Variants in PLXNA4 observed in about 807,000 individuals in gnomAD.
PLXNA4 encodes plexin A4.
A neutral mutation model predicts 191.8 loss-of-function variants in PLXNA4; 44 were observed. The observed-to-expected ratio is 0.23, with a 90% CI of 0.18 to 0.29. The LOEUF (loss-of-function observed/expected upper bound fraction) is 0.29, where lower values mean the gene tolerates loss of function less well. Among genes scored for constraint, PLXNA4 ranks in the 10% least tolerant of loss-of-function variants. PLXNA4 has a pLI of 1.00. For missense variants in PLXNA4, 1,800 were observed against 2,488.8 expected (o/e 0.72, Z 5.89); for synonymous variants, 1,082 against 1,009.5 (o/e 1.07, Z -1.36).
rs1563048301 is a variant in PLXNA4 at position 132,132,463 on chromosome 7, T to TTCTGTTCTGTTCTGTTCTGCTCTGC, written c.5589+585_5589+586insGCAGAGCAGAACAGAACAGAACAGA. ...TTCTGTTCTGTTCTGTTCTGTTCTG[T>TTCTGTTCTGTTCTGTTCTGCTCTGC]TCTGCTCTGCTCTGCTCTGCTCTGC... On this transcript the variant is annotated intron_variant, in intron 31 of 31. Transcript: ENST00000321063. 1.9e-3 allele frequency among the ~76,000 whole-genome samples: 124 copies of TTCTGTTCTGTTCTGTTCTGCTCTGC among 65,616 alleles called. 1 individual carries two copies. Among genetic ancestry groups the TTCTGTTCTGTTCTGTTCTGCTCTGC allele is most frequent in the African/African-American group, 5.7e-3 (111 of 19,440 alleles). The allele number at this position is 65,616 out of a possible 152,430, so 43.0% of individuals were successfully genotyped here. A position where few individuals can be genotyped will look rare whatever the true frequency, so the allele number is the denominator to read the frequency against.
intron 3 of PLXNA4, among the ~76,000 whole-genome samples, chr7:132,334,827 G>T (rs1394502603): frequency 6.6e-6 from 1 of 152,128 alleles, no homozygotes; most frequent in African/African-American, 2.4e-5. Flanking sequence ...CAGAACATCG[G>T]CATTGAATGG....
Position 132,146,079 on chromosome 7 carries a change from CAAAAAAAAAAAA to C in PLXNA4, c.5055+419_5055+430del, listed in dbSNP as rs67412588. The stretch of plus-strand genomic sequence containing the variant: ...TGGGTGACAGAACAAGACTCTGTCT[CAAAAAAAAAAAA>C]AAAAAAAAAAAAGAAAAGATATGGT... On this transcript the variant is annotated intron_variant, in intron 28 of 31. Transcript: ENST00000321063. 4.9e-4 allele frequency among the ~76,000 whole-genome samples: 24 copies of C among 48,920 alleles called. No individual in the cohort carries two copies. The Admixed American group carries it at 7.1e-3, about 14-fold the overall frequency. The allele number at this position is 48,920 out of a possible 152,430, so 32.1% of individuals were successfully genotyped here.
intron 10 of PLXNA4, among the ~76,000 whole-genome samples, chr7:132,207,343 G>A (rs942065937): frequency 2.6e-5 from 4 of 152,346 alleles, no homozygotes; most frequent in Non-Finnish European, 4.4e-5. Flanking sequence ...GCCTGGCCCC[G>A]GCCCTCACGA....
intron 4 of PLXNA4, among the ~76,000 whole-genome samples, chr7:132,280,678 C>A (rs987451072): frequency 6.6e-6 from 1 of 152,200 alleles, no homozygotes; most frequent in Non-Finnish European, 1.5e-5. Context: ...ACCACACCCA[C>A]TTTACCCACT....
At chr7:132,374,868 G>A (rs1016601248) in intron 3 of PLXNA4, among the ~76,000 whole-genome samples, 1 of 152,222 alleles carries the variant, frequency 6.6e-6, no homozygotes, top group African/African-American at 2.4e-5. Flanking sequence ...CAGGGAAAAT[G>A]TATGTGAGGG....
upstream of PLXNA4, chr7:132,577,229 G>A (rs1254544585): frequency 6.6e-6 from 1 of 150,664 alleles, no homozygotes; most frequent in African/African-American, 2.4e-5. Context: ...GTTTGCAGGG[G>A]GCAGGGAGCG....
At chr7:132,319,956 C>T (rs777413602) in intron 3 of PLXNA4, among the ~76,000 whole-genome samples, 1 of 152,244 alleles carries the variant, frequency 6.6e-6, no homozygotes, top group East Asian at 1.9e-4. Flanking sequence ...TCCACCCCTG[C>T]CTTCTCAGAC....
chr7:132,239,964 C>A (rs552692727), intron 5 of PLXNA4, among the ~76,000 whole-genome samples: 1 of 152,270 alleles, frequency 6.6e-6, no homozygotes, highest in East Asian at 1.9e-4. Context: ...CCTGAGACTG[C>A]CACCCAGAGA....
At chr7:132,334,252 C>CTTTTTTTTTTTTTTTTTTT (rs71529758) in intron 3 of PLXNA4, among the ~76,000 whole-genome samples, 11 of 75,608 alleles carry the variant, frequency 1.5e-4, no homozygotes, top group East Asian at 3.4e-4. Flanking sequence ...TTCTTTCTTT[C>CTTTTTTTTTTTTTTTTTTT]TTTTTTTTTT....
chr7:132,557,220 C>A (rs1248842588), intron 1 of PLXNA4, among the ~76,000 whole-genome samples: 1 of 152,200 alleles, frequency 6.6e-6, no homozygotes, highest in Non-Finnish European at 1.5e-5. Context: ...GATGTGGAGT[C>A]AGACCTACCT....
At chr7:132,337,358 C>T (rs915267143) in intron 3 of PLXNA4, among the ~76,000 whole-genome samples, 2 of 152,214 alleles carry the variant, frequency 1.3e-5, no homozygotes, top group African/African-American at 4.8e-5. Flanking sequence ...TGTGGAAGCA[C>T]ATCAAATTGT....
intron 3 of PLXNA4, among the ~76,000 whole-genome samples, chr7:132,472,599 G>A (rs1796970880): frequency 6.6e-6 from 1 of 152,184 alleles, no homozygotes; most frequent in African/African-American, 2.4e-5. Flanking sequence ...AGCCTGCTGG[G>A]GCTATGGAAC....
intron 23 of PLXNA4, 98 bp downstream of exon 23, chr7:132,165,036 G>A: frequency 1.3e-6 from 2 of 1,502,216 alleles, no homozygotes; most frequent in Non-Finnish European, 8.9e-7. Context: ...TAAGAGCCAG[G>A]CCCAGTAAGG....
At chr7:132,154,609 T>G (rs1464863827) in intron 25 of PLXNA4, among the ~76,000 whole-genome samples, 1 of 152,192 alleles carries the variant, frequency 6.6e-6, no homozygotes, top group African/African-American at 2.4e-5. Flanking sequence ...GAGCCCCGCT[T>G]CCTGATTTAA....
chr7:132,575,169 T>A (rs146036049), intron 1 of PLXNA4, among the ~76,000 whole-genome samples: 20 of 152,314 alleles, frequency 1.3e-4, no homozygotes, highest in Admixed American at 3.3e-4. Context: ...TTAGTTGCTC[T>A]TAGACCCCAA....
In PLXNA4 at chr7:132,148,595, G is replaced by T; in HGVS notation, c.4712C>A (p.Thr1571Asn). The change falls in exon 26 of 32, where the codon ACC becomes AAC. Residue 1571 changes from threonine (T) to asparagine (N), a missense_variant. Thr to Asn is a moderately conservative substitution (Grantham distance 65). Coordinates refer to ENST00000321063, the MANE Select transcript of PLXNA4 (RefSeq NM_020911.2). ...ARMILQDEDI[T>N]TKIENDWKRL... ...CTTCCAATCATTCTCAATCTTGGTGGTGATGTCTTCATCCTGCAAGATCAT... is the reference window on the plus strand; with the variant it reads ...CTTCCAATCATTCTCAATCTTGGTGTTGATGTCTTCATCCTGCAAGATCAT... The T allele has an allele frequency of 6.2e-7, 1 of 1,614,118 alleles. No individual in the cohort carries two copies. The highest frequency in any genetic ancestry group is 8.5e-7 in the Non-Finnish European group (1 of 1,180,020).
At chr7:132,184,897 G>T (rs755904327) in intron 16 of PLXNA4, among the ~76,000 whole-genome samples, 2 of 152,108 alleles carry the variant, frequency 1.3e-5, no homozygotes. Context: ...ACTACAGGGA[G>T]TAGTCAGGCC....
In PLXNA4 at chr7:132,468,879, G is replaced by A. The variant is rs114098767; in HGVS notation, c.1371+20413C>T. Reference sequence around the variant, plus strand: ...CTTGAAATGGAGCTCAATCTTATAAGTATAGAAGTCTGGGGTGAGCGTCTA... The same window carrying A: ...CTTGAAATGGAGCTCAATCTTATAAATATAGAAGTCTGGGGTGAGCGTCTA... On this transcript the variant is annotated intron_variant, in intron 3 of 31. Coordinates refer to ENST00000321063, the MANE Select transcript of PLXNA4 (RefSeq NM_020911.2). Among the ~76,000 whole-genome samples, 499 of 152,136 alleles carry A rather than the reference G, an allele frequency of 3.3e-3. 5 individuals are homozygous for A. Among genetic ancestry groups the A allele is most frequent in the African/African-American group, 0.011 (464 of 41,482 alleles).
intron 19 of PLXNA4, 108 bp from the exon 20 acceptor site, chr7:132,180,029 G>A (rs750131417): frequency 6.2e-6 from 9 of 1,450,628 alleles, no homozygotes; most frequent in Non-Finnish European, 7.3e-6. Context: ...ACGGAAAGGA[G>A]ACCAATCACT....
Sources: allele counts gnomAD v4.1 joint callset (sites outside exome capture counted in the v4.1 genomes callset), GRCh38; gene constraint gnomAD v4.1.1; transcripts MANE v1.5; gene names NCBI Gene and HGNC (gene_info 2026-07-23, HGNC 2026-07-21).